ROBO1: variants seen among roughly 807,000 people sequenced by gnomAD.
ROBO1 encodes roundabout guidance receptor 1, also known as roundabout homolog 1.
Under a neutral mutation model 195.9 loss-of-function variants are expected in ROBO1, and 149 were observed. The observed-to-expected ratio is 0.76, with a 90% CI of 0.67 to 0.87. ROBO1 has a LOEUF of 0.87. Ranked by LOEUF, ROBO1 falls within the 40% of genes least tolerant of loss-of-function variation. The probability of loss-of-function intolerance (pLI) is 0.00; values close to 1 mark genes in which losing one functional copy is unlikely to be tolerated. For missense variants in ROBO1, 1,933 were observed against 2,068.3 expected, an observed-to-expected ratio of 0.93 and a Z score of 1.27; for synonymous variants, 816 against 733.2, an observed-to-expected ratio of 1.11 and a Z score of -1.82.
chr3:78,793,015 G>C (rs2084069692), intron 4 of ROBO1, among the ~76,000 whole-genome samples: 1 of 151,874 alleles, frequency 6.6e-6, no homozygotes, highest in Admixed American at 6.6e-5. Context: ...CCAGCTACTT[G>C]GCAGGCTGAG....
At chr3:79,663,161 T>A (rs1390731585) in intron 1 of ROBO1, among the ~76,000 whole-genome samples, 1 of 152,062 alleles carries the variant, frequency 6.6e-6, no homozygotes, top group Non-Finnish European at 1.5e-5. Flanking sequence ...TTAGATAGTT[T>A]TATTCACAGA....
At chr3:79,081,565 T>C (rs1241604629) in intron 3 of ROBO1, among the ~76,000 whole-genome samples, 2 of 152,170 alleles carry the variant, frequency 1.3e-5, no homozygotes, top group Non-Finnish European at 2.9e-5. Context: ...TGTGTCCTTT[T>C]TGAGATTCTG....
intron 2 of ROBO1, among the ~76,000 whole-genome samples, chr3:79,542,188 G>A (rs1394916127): frequency 6.6e-6 from 1 of 151,892 alleles, no homozygotes; most frequent in African/African-American, 2.4e-5. Context: ...CAATTAACAG[G>A]ATTTATTATT....
intron 3 of ROBO1, among the ~76,000 whole-genome samples, chr3:79,015,558 A>C (rs887592667): frequency 6.6e-6 from 1 of 152,148 alleles, no homozygotes. Context: ...AGATCCTGAG[A>C]GATCACATGG....
At position 79,070,365 on chromosome 3, in the gene ROBO1, A is replaced by G. The variant is rs550440729; in HGVS notation, c.172+55091T>C. On this transcript the variant is annotated intron_variant, in intron 3 of 30. Coordinates refer to ENST00000464233, the MANE Select transcript of ROBO1 (RefSeq NM_002941.4). ...TTCTTCTAAGTAAGGACCATCTTTT[A>G]TTACAGTTCCTTCTGCAAATCTATG... Among the ~76,000 whole-genome samples, 6 of 152,020 alleles carry G rather than the reference A, an allele frequency of 3.9e-5. No homozygotes were observed. The East Asian group carries it at 1.2e-3, about 30-fold the overall frequency.
intron 8 of ROBO1, among the ~76,000 whole-genome samples, chr3:78,702,977 T>A (rs563670075): frequency 6.6e-6 from 1 of 152,354 alleles, no homozygotes; most frequent in Non-Finnish European, 1.5e-5. Context: ...CATTTCAAAT[T>A]CTCTGTAGGA....
chr3:78,715,947 A>G (rs1301531907), intron 7 of ROBO1, among the ~76,000 whole-genome samples: 1 of 152,150 alleles, frequency 6.6e-6, no homozygotes, highest in African/African-American at 2.4e-5. Flanking sequence ...CTTAGTTTCA[A>G]CCTGATATCT....
intron 4 of ROBO1, among the ~76,000 whole-genome samples, chr3:78,902,849 A>C (rs1237139225): frequency 6.6e-6 from 1 of 152,202 alleles, no homozygotes; most frequent in Admixed American, 6.5e-5. Context: ...CACCTCAAAA[A>C]TAAAAATAAA....
At chr3:79,754,591 C>T (rs17017127) in intron 1 of ROBO1, among the ~76,000 whole-genome samples, 5,597 of 152,242 alleles carry the variant, frequency 0.037, 354 homozygotes, top group African/African-American at 0.13. Context: ...TCTATGTTCC[C>T]ACTCTATCAT....
intron 4 of ROBO1, among the ~76,000 whole-genome samples, chr3:78,771,017 T>C (rs1057494353): frequency 7.9e-5 from 12 of 151,942 alleles, no homozygotes; most frequent in Non-Finnish European, 8.8e-5. Context: ...TAGTGAGCTA[T>C]GATCACACCA....
At chr3:78,851,927 GA>G (rs1326789175) in intron 4 of ROBO1, among the ~76,000 whole-genome samples, 1 of 151,800 alleles carries the variant, frequency 6.6e-6, no homozygotes, top group East Asian at 1.9e-4. Context: ...AAAATTGAGT[GA>G]TTTTTTTTAG....
chr3:79,330,671 G>GAAAAAAAAA (rs34923136), intron 2 of ROBO1, among the ~76,000 whole-genome samples: 1 of 77,400 alleles, frequency 1.3e-5, no homozygotes, highest in Non-Finnish European at 2.3e-5. Flanking sequence ...GGAACTTAGG[G>GAAAAAAAAA]AAAAAAAAAA....
At chr3:79,455,932 G>T (rs983036987) in intron 2 of ROBO1, among the ~76,000 whole-genome samples, 5 of 152,008 alleles carry the variant, frequency 3.3e-5, no homozygotes, top group Non-Finnish European at 7.4e-5. Flanking sequence ...CAGAAATAAA[G>T]AAACCCGAGT....
At position 79,143,734 on chromosome 3, in the gene ROBO1, T is replaced by C. The variant is rs142862738; in HGVS notation, c.89-18195A>G. On this transcript the variant is annotated intron_variant, in intron 2 of 30. Transcript: ENST00000464233. Reference sequence around the variant, plus strand: ...CTCGTTTCCTCCAGTGGTAACATCTTGCAAAACTATAGTACAGTATCGCAA... The same window carrying C: ...CTCGTTTCCTCCAGTGGTAACATCTCGCAAAACTATAGTACAGTATCGCAA... 2.6e-3 allele frequency among the ~76,000 whole-genome samples: 390 copies of C among 152,154 alleles called. 1 individual carries two copies. The highest frequency in any genetic ancestry group is 8.1e-3 in the African/African-American group (337 of 41,532).
At chr3:78,949,759 T>C (rs1229322103) in intron 3 of ROBO1, among the ~76,000 whole-genome samples, 1 of 151,980 alleles carries the variant, frequency 6.6e-6, no homozygotes, top group Admixed American at 6.6e-5. Flanking sequence ...CGCAACCTAC[T>C]CATCTGACAA....
At chr3:79,579,549 A>G (rs1233986607) in intron 2 of ROBO1, among the ~76,000 whole-genome samples, 2 of 152,224 alleles carry the variant, frequency 1.3e-5, no homozygotes, top group African/African-American at 4.8e-5. Context: ...GATTGGTCCG[A>G]CTAATGTATT....
chr3:79,167,800 G>A (rs1420653072), intron 2 of ROBO1, among the ~76,000 whole-genome samples: 1 of 152,084 alleles, frequency 6.6e-6, no homozygotes, highest in Non-Finnish European at 1.5e-5. Flanking sequence ...TGGTTTTGAG[G>A]TTTATTATCT....
chr3:79,384,504 A>T (rs2036670578), intron 2 of ROBO1, among the ~76,000 whole-genome samples: 1 of 152,032 alleles, frequency 6.6e-6, no homozygotes, highest in African/African-American at 2.4e-5. Context: ...TTAAGAAATT[A>T]GAAGGAAGAA....
intron 1 of ROBO1, among the ~76,000 whole-genome samples, chr3:79,718,743 T>C (rs1403750205): frequency 1.3e-5 from 2 of 152,014 alleles, no homozygotes; most frequent in Non-Finnish European, 2.9e-5. Flanking sequence ...TTAAAGATAT[T>C]CTTATTAAGC....
Sources: allele counts gnomAD v4.1 joint callset (sites outside exome capture counted in the v4.1 genomes callset), GRCh38; gene constraint gnomAD v4.1.1; transcripts MANE v1.5; gene names NCBI Gene and HGNC (gene_info 2026-07-23, HGNC 2026-07-21).